The following WDPCP variants were observed in gnomAD, a reference collection of about 807,000 sequenced individuals.
The protein encoded by WDPCP is WD repeat containing planar cell polarity effector.
WDPCP carries 71 observed loss-of-function variants against 93.1 expected under a neutral mutation model. The ratio of observed to expected loss-of-function variants is 0.76; its 90% CI spans 0.63 to 0.93. WDPCP has a LOEUF of 0.93. Ranked by LOEUF, WDPCP falls within the 40% of genes least tolerant of loss-of-function variation. The pLI is 0.00. For synonymous variants in WDPCP, 315 were observed against 315.0 expected, an observed-to-expected ratio of 1.00 and a Z score of 0.00; for missense variants, 844 against 887.4, an observed-to-expected ratio of 0.95 and a Z score of 0.62.
the WDPCP span, among the ~76,000 whole-genome samples, chr2:63,836,934 T>C: frequency 6.6e-5 from 10 of 152,360 alleles, no homozygotes; most frequent in South Asian, 1.2e-3. Flanking sequence ...ACTTAGAAGA[T>C]TGGTTTATGA....
intron 3 of WDPCP, chr2:63,594,632 T>C: frequency 7.5e-7 from 1 of 1,329,914 alleles, no homozygotes; most frequent in Non-Finnish European, 1.1e-6. Flanking sequence ...AGTAAGAATA[T>C]GGTTAATAAA....
intron 3 of WDPCP, among the ~76,000 whole-genome samples, chr2:63,628,089 C>CT (rs748054451): frequency 7.6e-4 from 115 of 152,312 alleles, no homozygotes; most frequent in Non-Finnish European, 1.2e-3. Flanking sequence ...GCTCCTGGTC[C>CT]TGCTAGGGGT....
At chr2:63,142,650 A>T (rs999589498) in intron 17 of WDPCP, among the ~76,000 whole-genome samples, 2 of 152,080 alleles carry the variant, frequency 1.3e-5, no homozygotes, top group African/African-American at 4.8e-5. Flanking sequence ...ATTTGTTTTA[A>T]GGTATAGTTT....
At chr2:63,652,452 A>G (rs979085333) in intron 2 of WDPCP, among the ~76,000 whole-genome samples, 3 of 152,230 alleles carry the variant, frequency 2.0e-5, no homozygotes, top group African/African-American at 7.2e-5. Context: ...GAAGAGAAGG[A>G]AAGAATTCAC....
chr2:63,672,172 A>G (rs2106635215), intron 2 of WDPCP, among the ~76,000 whole-genome samples: 1 of 152,290 alleles, frequency 6.6e-6, no homozygotes, highest in Admixed American at 6.5e-5. Context: ...CATCAAAGAG[A>G]GGAAGCCTAT....
intron 2 of WDPCP, among the ~76,000 whole-genome samples, chr2:63,787,141 A>C (rs952452667): frequency 6.6e-6 from 1 of 152,230 alleles, no homozygotes. Context: ...AGAATAGCTA[A>C]ATTTTAAATG....
intron 2 of WDPCP, among the ~76,000 whole-genome samples, chr2:63,769,357 T>A (rs1056270000): frequency 2.0e-5 from 3 of 151,994 alleles, no homozygotes; most frequent in Admixed American, 6.6e-5. Flanking sequence ...GTGGGGTGAA[T>A]CTATTGCATT....
intron 15 of WDPCP, among the ~76,000 whole-genome samples, chr2:63,173,252 G>A (rs1331705828): frequency 6.9e-5 from 10 of 145,142 alleles, no homozygotes; most frequent in African/African-American, 2.6e-4. Flanking sequence ...TGGGCAACTA[G>A]AGCGAAACTC....
At chr2:63,586,459 A>C (rs190743915) in intron 1 of WDPCP, among the ~76,000 whole-genome samples, 4 of 152,212 alleles carry the variant, frequency 2.6e-5, no homozygotes, top group African/African-American at 9.6e-5. Flanking sequence ...CTCACAGTGA[A>C]AGTGCAATGA....
chr2:63,236,519 T>C (rs1266927405), intron 14 of WDPCP, among the ~76,000 whole-genome samples: 1 of 152,112 alleles, frequency 6.6e-6, no homozygotes, highest in Non-Finnish European at 1.5e-5. Context: ...TGAATAGCCA[T>C]AGCAATCCTA....
chr2:63,457,924 G>A (rs1698741212), intron 6 of WDPCP, among the ~76,000 whole-genome samples: 2 of 152,136 alleles, frequency 1.3e-5, no homozygotes, highest in African/African-American at 4.8e-5. Flanking sequence ...AAGAGATCAA[G>A]ACCATCTTGG....
chr2:63,727,229 T>C (rs894959884), intron 2 of WDPCP, among the ~76,000 whole-genome samples: 1 of 152,198 alleles, frequency 6.6e-6, no homozygotes, highest in African/African-American at 2.4e-5. Context: ...TTTTGATGCC[T>C]AGTTTGTTGA....
At chr2:63,349,566 T>A (rs2104535239) in intron 12 of WDPCP, among the ~76,000 whole-genome samples, 1 of 152,312 alleles carries the variant, frequency 6.6e-6, no homozygotes, top group African/African-American at 2.4e-5. Flanking sequence ...ATTGGCATTT[T>A]CATTAATCAA....
chr2:63,384,959 A>G (rs1297309583), intron 10 of WDPCP, among the ~76,000 whole-genome samples: 1 of 152,204 alleles, frequency 6.6e-6, no homozygotes, highest in East Asian at 1.9e-4. Flanking sequence ...CAATATATTA[A>G]AAAGATAATA....
chr2:63,476,267 T>G (rs1270711681), intron 6 of WDPCP, among the ~76,000 whole-genome samples: 1 of 152,054 alleles, frequency 6.6e-6, no homozygotes, highest in African/African-American at 2.4e-5. Flanking sequence ...ACATTCAAAG[T>G]CCCCGACGAG....
At chr2:63,281,221 T>G (rs1209552175) in intron 13 of WDPCP, among the ~76,000 whole-genome samples, 1 of 152,088 alleles carries the variant, frequency 6.6e-6, no homozygotes, top group Non-Finnish European at 1.5e-5. Flanking sequence ...CCAACAAGCA[T>G]ATGGGAAAAT....
At chr2:63,305,847 GA>G (rs1293826179) in intron 13 of WDPCP, among the ~76,000 whole-genome samples, 1 of 152,020 alleles carries the variant, frequency 6.6e-6, no homozygotes, top group African/African-American at 2.4e-5. Context: ...AACCAGTTTA[GA>G]GAAGAACATA....
intron 14 of WDPCP, among the ~76,000 whole-genome samples, chr2:63,235,600 C>A (rs867361991): frequency 1.3e-5 from 2 of 152,090 alleles, no homozygotes; most frequent in Non-Finnish European, 2.9e-5. Context: ...AAATCCTCGA[C>A]AAAATTCTAA....
chr2:63,530,279 T>C (rs993234658), intron 1 of WDPCP, among the ~76,000 whole-genome samples: 24 of 152,240 alleles, frequency 1.6e-4, no homozygotes, highest in African/African-American at 5.3e-4. Context: ...TCTAGTTCTT[T>C]TCATTGTGAT....
Sources: gnomAD v4.1 joint callset for allele counts (sites outside exome capture counted in the v4.1 genomes callset) on GRCh38, gnomAD v4.1.1 for gene constraint, MANE v1.5 for transcripts, NCBI Gene and HGNC (gene_info 2026-07-23, HGNC 2026-07-21) for gene names.